IDO2: variants seen among roughly 807,000 people sequenced by gnomAD.
The protein encoded by IDO2 is indoleamine 2,3-dioxygenase 2.
A neutral mutation model predicts 45.1 loss-of-function variants in IDO2; 46 were observed. The ratio of observed to expected loss-of-function variants is 1.02; its 90% CI spans 0.80 to 1.30. The LOEUF is 1.30. IDO2 is among the 50% of genes most tolerant of loss of function. IDO2 has a pLI of 0.00. For synonymous variants in IDO2, 218 were observed against 184.9 expected, an observed-to-expected ratio of 1.18 and a Z score of -1.45; for missense variants, 544 against 491.8, an observed-to-expected ratio of 1.11 and a Z score of -1.00.
intron 2 of IDO2, among the ~76,000 whole-genome samples, chr8:39,952,474 C>T (rs1807827608): frequency 6.6e-6 from 1 of 152,152 alleles, no homozygotes; most frequent in Non-Finnish European, 1.5e-5. Flanking sequence ...AAAAAAAATT[C>T]TGGTTTTGGG....
chr8:39,992,674 A>T (rs1427837776), intron 8 of IDO2, among the ~76,000 whole-genome samples: 3 of 152,178 alleles, frequency 2.0e-5, no homozygotes, highest in Non-Finnish European at 4.4e-5. Flanking sequence ...GTTTGTAATG[A>T]TAAACTTTCT....
intron 3 of IDO2, among the ~76,000 whole-genome samples, chr8:39,977,284 C>T (rs2129594300): frequency 6.6e-6 from 1 of 152,206 alleles, no homozygotes; most frequent in Middle Eastern, 3.4e-3. Flanking sequence ...ACAAAAATGC[C>T]AATGAAAACA....
Position 39,949,143 on chromosome 8 carries a change from A to G in IDO2, c.-17-6A>G. 1.1e-5 allele frequency: 18 copies of G among 1,595,454 alleles called. No individual in the cohort carries two copies. The highest frequency in any genetic ancestry group is 1.5e-5 in the Non-Finnish European group (18 of 1,169,950). On this transcript the variant is annotated splice_polypyrimidine_tract_variant and splice_region_variant and intron_variant, in intron 1 of 10. Coordinates refer to ENST00000502986, the Ensembl canonical transcript of IDO2. ...AATTGATTCTTCAGTGACACTTTCC[A>G]TGCAGATACTTCAAACAAAATAATG...
chr8:39,985,776 A>C (rs12541238), intron 6 of IDO2: 49,416 of 417,460 alleles, frequency 0.12, 3,779 homozygotes, highest in Non-Finnish European at 0.16. Context: ...AAAACAAGTA[A>C]TGTGCAATGC....
intron 3 of IDO2, among the ~76,000 whole-genome samples, chr8:39,971,871 C>T (rs986530225): frequency 2.0e-5 from 3 of 151,978 alleles, no homozygotes; most frequent in Non-Finnish European, 4.4e-5. Flanking sequence ...TGCAGTGGCG[C>T]AATCTTGGCT....
chr8:39,971,701 T>G (rs1290357518), intron 3 of IDO2, among the ~76,000 whole-genome samples: 1 of 152,206 alleles, frequency 6.6e-6, no homozygotes, highest in African/African-American at 2.4e-5. Context: ...GGTTCAAGAC[T>G]TGAGCAGAGG....
intron 8 of IDO2, chr8:39,995,238 TCCTTCTCCTTCTCCTTCTTCTTCTTCC>T (rs1802018910): frequency 1.1e-5 from 1 of 95,166 alleles, no homozygotes; most frequent in African/African-American, 4.8e-5. Flanking sequence ...CTTCTCCTTC[TCCTTCTCCTTCTCCTTCTTCTTCTTCC>T]TCTTCTTCTT....
exon 8 of IDO2, chr8:39,989,793 A>C: frequency 6.2e-7 from 1 of 1,604,936 alleles, no homozygotes. Flanking sequence ...GCAGCGACTG[A>C]GACTGTCTAT....
intron 3 of IDO2, among the ~76,000 whole-genome samples, chr8:39,971,584 T>C (rs1007256214): frequency 1.1e-4 from 16 of 152,288 alleles, no homozygotes; most frequent in Middle Eastern, 3.4e-3. Flanking sequence ...TGGAAAGGAT[T>C]CACTATTCTA....
intron 3 of IDO2, among the ~76,000 whole-genome samples, chr8:39,976,569 A>G (rs925603342): frequency 2.0e-5 from 3 of 152,220 alleles, no homozygotes; most frequent in Non-Finnish European, 2.9e-5. Context: ...ATAAATAGGA[A>G]GTTATAAGAT....
At chr8:39,980,759 C>CT (rs933045598) in intron 4 of IDO2, among the ~76,000 whole-genome samples, 10 of 152,012 alleles carry the variant, frequency 6.6e-5, no homozygotes, top group African/African-American at 2.4e-4. Flanking sequence ...TTTTCTTTTT[C>CT]TTTTTTTGAT....
At chr8:39,984,782 G>A (rs956900967) in intron 5 of IDO2, among the ~76,000 whole-genome samples, 8 of 152,130 alleles carry the variant, frequency 5.3e-5, no homozygotes, top group African/African-American at 1.9e-4. Flanking sequence ...TGACATCAAT[G>A]CAGGCTTTAC....
chr8:40,015,186 A>G (rs1802368762), intron 10 of IDO2, 61 bp from the exon 11 acceptor site: 1 of 992,136 alleles, frequency 1.0e-6, no homozygotes, highest in Non-Finnish European at 1.5e-6. Context: ...AAGAAGAAGC[A>G]GACGAGCTCT....
At chr8:39,994,988 T>C (rs1352589930) in intron 8 of IDO2, 3 of 152,308 alleles carry the variant, frequency 2.0e-5, no homozygotes, top group African/African-American at 7.2e-5. Context: ...ATTCACACTG[T>C]TCATAGCCCT....
chr8:39,935,808 T>C (rs1203936154), intron 1 of IDO2, among the ~76,000 whole-genome samples: 1 of 152,174 alleles, frequency 6.6e-6, no homozygotes, highest in Non-Finnish European at 1.5e-5. Flanking sequence ...CCACATAAAG[T>C]AGTATTGGCA....
intron 8 of IDO2, among the ~76,000 whole-genome samples, chr8:39,993,691 C>T (rs1449454941): frequency 6.6e-6 from 1 of 152,142 alleles, no homozygotes; most frequent in Non-Finnish European, 1.5e-5. Context: ...ACAAACATCT[C>T]TTTATTTTTC....
chr8:40,001,749 C>G (rs1020015908), intron 8 of IDO2, among the ~76,000 whole-genome samples: 2 of 152,014 alleles, frequency 1.3e-5, no homozygotes, highest in African/African-American at 4.8e-5. Context: ...TTTAAGAGGT[C>G]TTGAATAAGA....
intron 8 of IDO2, 67 bp downstream of exon 8, chr8:39,989,905 C>A (rs1808476375): frequency 1.9e-6 from 2 of 1,032,894 alleles, no homozygotes; most frequent in Non-Finnish European, 2.8e-6. Context: ...GGGAAGAGGG[C>A]CTGGGGACCA....
chr8:39,987,669 C>T, intron 6 of IDO2: 1 of 519,916 alleles, frequency 1.9e-6, no homozygotes, highest in Non-Finnish European at 3.5e-6. Context: ...GTCAGGTGAA[C>T]ATGAAATTGA....
Sources: allele counts gnomAD v4.1 joint callset (sites outside exome capture counted in the v4.1 genomes callset), GRCh38; gene constraint gnomAD v4.1.1; transcripts MANE v1.5; gene names NCBI Gene and HGNC (gene_info 2026-07-23, HGNC 2026-07-21).